CAMK1D: variants seen among roughly 807,000 people sequenced by gnomAD.
CAMK1D encodes the protein calcium/calmodulin-dependent protein kinase type 1D.
In CAMK1D, 9 loss-of-function variants were observed where a neutral mutation model predicts 47.7. That is an observed-to-expected ratio of 0.19 (90% CI 0.11 to 0.33). CAMK1D has a LOEUF of 0.33. Ranked by LOEUF, CAMK1D falls within the 10% of genes least tolerant of loss-of-function variation. The probability of loss-of-function intolerance (pLI) is 1.00; values close to 1 mark genes in which losing one functional copy is unlikely to be tolerated. For missense variants in CAMK1D, 291 were observed against 488.7 expected (o/e 0.60, Z 3.81); for synonymous variants, 184 against 184.9 (o/e 0.99, Z 0.04).
intron 1 of CAMK1D, among the ~76,000 whole-genome samples, chr10:12,362,171 A>G (rs1193221205): frequency 6.6e-6 from 1 of 152,304 alleles, no homozygotes; most frequent in South Asian, 2.1e-4. Flanking sequence ...TTGTCCAACC[A>G]TCGCCACCAT....
intron 1 of CAMK1D, among the ~76,000 whole-genome samples, chr10:12,458,844 GTTTC>G (rs935446525): frequency 2.7e-5 from 4 of 149,316 alleles, no homozygotes; most frequent in Admixed American, 2.0e-4. Flanking sequence ...CTTCAGATAA[GTTTC>G]TTTCTTTCTC....
chr10:12,401,150 TTATA>T (rs1202663603), intron 1 of CAMK1D, among the ~76,000 whole-genome samples: 1 of 45,558 alleles, frequency 2.2e-5, no homozygotes, highest in Non-Finnish European at 3.6e-5. Flanking sequence ...TATATATATT[TTATA>T]TATATATAAT....
At chr10:12,826,550 A>G (rs570721939) in intron 10 of CAMK1D, among the ~76,000 whole-genome samples, 1 of 152,248 alleles carries the variant, frequency 6.6e-6, no homozygotes, top group East Asian at 1.9e-4. Flanking sequence ...CTCTCTGTGG[A>G]AATAATCCCG....
At chr10:12,735,350 C>A (rs993365471) in intron 3 of CAMK1D, among the ~76,000 whole-genome samples, 2 of 152,040 alleles carry the variant, frequency 1.3e-5, no homozygotes, top group African/African-American at 4.8e-5. Context: ...TGGTGGCGGG[C>A]GCCTGTAGTC....
intron 1 of CAMK1D, among the ~76,000 whole-genome samples, chr10:12,499,223 A>G (rs1282290458): frequency 6.6e-6 from 1 of 152,040 alleles, no homozygotes; most frequent in African/African-American, 2.4e-5. Flanking sequence ...TTTTTTTCTT[A>G]CCAATCTCAG....
chr10:12,734,439 C>T (rs1350931356), intron 3 of CAMK1D, among the ~76,000 whole-genome samples: 3 of 40,948 alleles, frequency 7.3e-5, no homozygotes, highest in African/African-American at 2.4e-4. Context: ...TATATACACA[C>T]ACACATATGT....
chr10:12,638,392 T>C (rs1839572927), intron 2 of CAMK1D, among the ~76,000 whole-genome samples: 1 of 152,168 alleles, frequency 6.6e-6, no homozygotes, highest in Non-Finnish European at 1.5e-5. Flanking sequence ...TTTATAATCA[T>C]ACCTCACTAA....
intron 3 of CAMK1D, among the ~76,000 whole-genome samples, chr10:12,712,203 A>C (rs1438809637): frequency 1.3e-5 from 2 of 152,220 alleles, no homozygotes; most frequent in Non-Finnish European, 2.9e-5. Context: ...GCTCTCCTTC[A>C]ACTGAAGCTC....
chr10:12,468,436 A>G (rs1401192653), intron 1 of CAMK1D, among the ~76,000 whole-genome samples: 2 of 152,228 alleles, frequency 1.3e-5, no homozygotes, highest in African/African-American at 4.8e-5. Flanking sequence ...GTTGTGGGCC[A>G]CAGGGGCGGA....
chr10:12,380,201 C>T (rs1021241844), intron 1 of CAMK1D, among the ~76,000 whole-genome samples: 9 of 151,804 alleles, frequency 5.9e-5, no homozygotes, highest in Admixed American at 1.3e-4. Context: ...GGTGACAGAG[C>T]GAGACTCTAT....
At chr10:12,369,447 G>A (rs905985412) in intron 1 of CAMK1D, among the ~76,000 whole-genome samples, 8 of 152,262 alleles carry the variant, frequency 5.3e-5, no homozygotes, top group Middle Eastern at 3.4e-3. Flanking sequence ...CAGTGTGACT[G>A]TGTATCGGTA....
chr10:12,415,526 C>T (rs1054385626), intron 1 of CAMK1D, among the ~76,000 whole-genome samples: 2 of 147,530 alleles, frequency 1.4e-5, no homozygotes, highest in African/African-American at 5.0e-5. Flanking sequence ...TCTCAAACTC[C>T]TGACCTCAGG....
At chr10:12,394,537 A>G (rs969709980) in intron 1 of CAMK1D, among the ~76,000 whole-genome samples, 1 of 152,140 alleles carries the variant, frequency 6.6e-6, no homozygotes, top group Non-Finnish European at 1.5e-5. Flanking sequence ...ATGAATAACA[A>G]GAGATGTTCC....
chr10:12,623,123 T>TGCTTCTTCCCTC (rs1554798847), intron 2 of CAMK1D, among the ~76,000 whole-genome samples: 5 of 17,644 alleles, frequency 2.8e-4, no homozygotes, highest in South Asian at 3.7e-3. Context: ...CTTCCTTCTT[T>TGCTTCTTCCCTC]CCTTCCTCCC....
intron 3 of CAMK1D, among the ~76,000 whole-genome samples, chr10:12,693,846 G>T (rs932754716): frequency 1.5e-5 from 2 of 136,074 alleles, no homozygotes; most frequent in Non-Finnish European, 3.1e-5. Flanking sequence ...TTGCACCATG[G>T]CACTCTAGCA....
chr10:12,513,615 G>A (rs1456721148), intron 1 of CAMK1D, among the ~76,000 whole-genome samples: 4 of 151,916 alleles, frequency 2.6e-5, no homozygotes, highest in African/African-American at 4.8e-5. Context: ...GTGAAACTAC[G>A]TCTCTACAAA....
chr10:12,824,981 C>G (rs1160314544), intron 9 of CAMK1D, among the ~76,000 whole-genome samples: 1 of 152,136 alleles, frequency 6.6e-6, no homozygotes, highest in East Asian at 1.9e-4. Context: ...TTCCTAATCT[C>G]TTGATTACCT....
At chr10:12,405,948 G>A (rs149068529) in intron 1 of CAMK1D, among the ~76,000 whole-genome samples, 267 of 152,270 alleles carry the variant, frequency 1.8e-3, no homozygotes, top group African/African-American at 6.2e-3. Context: ...TGAAATCGAC[G>A]GGAGAAAGGG....
chr10:12,798,943 G>A (rs1838308563), intron 6 of CAMK1D, among the ~76,000 whole-genome samples: 1 of 152,162 alleles, frequency 6.6e-6, no homozygotes, highest in Non-Finnish European at 1.5e-5. Context: ...GGGCATAGAT[G>A]GTGAAAAGAA....
Sources: gnomAD v4.1 joint callset for allele counts (sites outside exome capture counted in the v4.1 genomes callset) on GRCh38, gnomAD v4.1.1 for gene constraint, MANE v1.5 for transcripts, NCBI Gene and HGNC (gene_info 2026-07-23, HGNC 2026-07-21) for gene names.